Variants in BLVRA observed in about 807,000 individuals in gnomAD.
BLVRA encodes BVR A.
BLVRA carries 22 observed loss-of-function variants against 32.8 expected under a neutral mutation model. The ratio of observed to expected loss-of-function variants is 0.67; its 90% CI spans 0.48 to 0.96. The LOEUF is 0.96. BLVRA is among the 40% of genes least tolerant of loss of function. The pLI, the probability that BLVRA is intolerant of heterozygous loss-of-function variation, is 0.00. For synonymous variants in BLVRA, 119 were observed against 141.3 expected (o/e 0.84, Z 1.12); for missense variants, 323 against 358.1 (o/e 0.90, Z 0.79).
intron 5 of BLVRA, among the ~76,000 whole-genome samples, chr7:43,800,044 C>G (rs913947874): frequency 1.3e-5 from 2 of 152,182 alleles, no homozygotes; most frequent in Admixed American, 6.5e-5. Flanking sequence ...CAATTTCTGC[C>G]TCCCAGGTTC....
intron 7 of BLVRA, among the ~76,000 whole-genome samples, chr7:43,805,952 A>G (rs1247037333): frequency 6.6e-6 from 1 of 152,216 alleles, no homozygotes; most frequent in Non-Finnish European, 1.5e-5. Context: ...CTAGTGAGGA[A>G]ATTGAGGTAC....
chr7:43,787,349 T>A lies in BLVRA; in HGVS notation c.13-555T>A, dbSNP rs1424472575. ...CAGTGCACTTAAATAATATTTAAGA[T>A]ACTGCAGTATCTTAAATGTGGAACT... On this transcript the variant is annotated intron_variant, in intron 2 of 7. Coordinates refer to ENST00000265523, the MANE Select transcript of BLVRA (RefSeq NM_000712.4). This position sits in a 1 kb window ranked among gnomAD's most constrained non-coding sequence, Gnocchi z 4.5. Among the ~76,000 whole-genome samples, 1 of 152,346 alleles carries A rather than the reference T, an allele frequency of 6.6e-6. No homozygotes were observed.
intron 6 of BLVRA, 55 bp from the exon 7 acceptor site, chr7:43,803,621 T>A: frequency 2.5e-5 from 23 of 933,954 alleles, no homozygotes; most frequent in East Asian, 4.7e-5. Context: ...CCTGTCCTGC[T>A]TTCCACTTGG....
intron 5 of BLVRA, among the ~76,000 whole-genome samples, chr7:43,797,546 G>A (rs768686844): frequency 2.0e-5 from 3 of 152,148 alleles, no homozygotes; most frequent in Non-Finnish European, 4.4e-5. Flanking sequence ...TCACTTTATT[G>A]TGGTGGTCTG....
intron 2 of BLVRA, among the ~76,000 whole-genome samples, chr7:43,783,430 C>T (rs2095772652): frequency 6.6e-6 from 1 of 152,206 alleles, no homozygotes; most frequent in Non-Finnish European, 1.5e-5. Flanking sequence ...CTTCTTTCAC[C>T]CGATCATCTA....
In BLVRA at chr7:43,787,916, T is replaced by C. The variant is rs747180057; in HGVS notation, c.25T>C (p.Phe9Leu). Reference sequence around the variant, plus strand: ...CCTTGTGTTTCAGCCCGAGAGGAAGTTTGGCGTGGTGGTGGTTGGTGTTGG... The same window carrying C: ...CCTTGTGTTTCAGCCCGAGAGGAAGCTTGGCGTGGTGGTGGTTGGTGTTGG... The part of the protein sequence containing the change: MNAEPERK[F>L]GVVVVGVGRA... Residue 9 changes from phenylalanine (F) to leucine (L), a missense_variant, in exon 3 of 8, where the codon TTT becomes CTT. By Grantham distance (22) the Phe-to-Leu change is conservative. Transcript: ENST00000265523. This position sits in a 1 kb window ranked among gnomAD's most constrained non-coding sequence, Gnocchi z 4.5. 2 of 1,613,962 alleles carry C rather than the reference T, an allele frequency of 1.2e-6. No individual in the cohort carries two copies. The highest frequency in any genetic ancestry group is 1.7e-6 in the Non-Finnish European group (2 of 1,180,022).
chr7:43,792,772 G>A lies in BLVRA; in HGVS notation c.312G>A (p.Leu104=), dbSNP rs1399717472. Residue 104 remains leucine (L), a synonymous_variant, in exon 5 of 8, where the codon TTG becomes TTA. Coordinates refer to ENST00000265523, the MANE Select transcript of BLVRA (RefSeq NM_000712.4). ...TGGAATACCCCATGACACTGTCATT[G>A]GCGGCCGCTCAGGAACTGTGGGAGC... ...VLVEYPMTLS[L]AAAQELWELA... 1 of 1,614,186 alleles carries A rather than the reference G, an allele frequency of 6.2e-7. No homozygotes were observed. Among genetic ancestry groups the A allele is most frequent in the East Asian group, 2.2e-5 (1 of 44,882 alleles).
At chr7:43,802,580 C>T (rs1472567738) in intron 6 of BLVRA, among the ~76,000 whole-genome samples, 1 of 152,104 alleles carries the variant, frequency 6.6e-6, no homozygotes, top group Non-Finnish European at 1.5e-5. Flanking sequence ...TCACTGTAAC[C>T]TCGAACTCCT....
In BLVRA at chr7:43,805,282, CTT is replaced by C. The variant is rs368451107; in HGVS notation, c.632+1450_632+1451del. Reference sequence around the variant, plus strand: ...GGAGGCAGAGGCTGACTCTCTCTCTCTTTTTTTTTTTTTTTTATGAGACAAAG... The same window carrying C: ...GGAGGCAGAGGCTGACTCTCTCTCTCTTTTTTTTTTTTTTATGAGACAAAG... On this transcript the variant is annotated intron_variant, in intron 7 of 7. Transcript: ENST00000265523. Among the ~76,000 whole-genome samples, 1,166 of 138,724 alleles carry C rather than the reference CTT, an allele frequency of 8.4e-3. 19 individuals are homozygous for C. Among genetic ancestry groups the C allele is most frequent in the African/African-American group, 0.026 (965 of 37,658 alleles). The allele number at this position is 138,724 out of a possible 152,430, so 91.0% of individuals were successfully genotyped here.
intron 7 of BLVRA, among the ~76,000 whole-genome samples, chr7:43,805,337 C>T (rs1486349158): frequency 3.3e-5 from 5 of 150,112 alleles, no homozygotes; most frequent in African/African-American, 9.9e-5. Context: ...GGCTGGAGTG[C>T]GGTGGTGTGA....
upstream of BLVRA, among the ~76,000 whole-genome samples, chr7:43,758,154 C>T (rs1054941110): frequency 1.6e-4 from 24 of 152,318 alleles, no homozygotes; most frequent in Admixed American, 3.3e-4. Flanking sequence ...AAGAGCAGGA[C>T]ATCGCAGACA....
intron 2 of BLVRA, among the ~76,000 whole-genome samples, chr7:43,777,763 G>A (rs1476954838): frequency 2.6e-5 from 4 of 152,070 alleles, no homozygotes; most frequent in African/African-American, 4.8e-5. Context: ...CATTCTCCCC[G>A]TCACTTTCAG....
At chr7:43,791,412 A>G (rs1469129656) in intron 4 of BLVRA, 44 bp downstream of exon 4, 1 of 1,611,466 alleles carries the variant, frequency 6.2e-7, no homozygotes. Flanking sequence ...ACAGCAGTGC[A>G]GTACTGCAAA....
intron 6 of BLVRA, 81 bp downstream of exon 6, chr7:43,800,653 C>T (rs2095797650): frequency 2.4e-6 from 3 of 1,267,384 alleles, no homozygotes; most frequent in African/African-American, 1.5e-5. Context: ...GGGATGGGAG[C>T]TTATATTCAT....
intron 1 of BLVRA, among the ~76,000 whole-genome samples, chr7:43,766,290 G>GGA (rs2095747817): frequency 1.1e-5 from 1 of 93,900 alleles, no homozygotes; most frequent in Admixed American, 1.1e-4. Flanking sequence ...CTGTCTCAGG[G>GGA]AAAAAAAAAA....
At chr7:43,799,477 A>C (rs2095796385) in intron 5 of BLVRA, among the ~76,000 whole-genome samples, 2 of 152,036 alleles carry the variant, frequency 1.3e-5, no homozygotes, top group Admixed American at 1.3e-4. Context: ...TATAATCCAA[A>C]ATTTATTTTA....
At chr7:43,793,286 G>C (rs1423072360) in intron 5 of BLVRA, among the ~76,000 whole-genome samples, 5 of 151,778 alleles carry the variant, frequency 3.3e-5, no homozygotes, top group Admixed American at 3.3e-4. Flanking sequence ...ATGTTATTTT[G>C]CTTAATTCTT....
At chr7:43,762,102 T>C (rs1242075227) in intron 1 of BLVRA, among the ~76,000 whole-genome samples, 3 of 152,068 alleles carry the variant, frequency 2.0e-5, no homozygotes, top group African/African-American at 7.2e-5. Flanking sequence ...TAATAGATAC[T>C]TGAGAGGGCG....
At chr7:43,769,797 C>T (rs1283634777) in intron 1 of BLVRA, among the ~76,000 whole-genome samples, 1 of 152,010 alleles carries the variant, frequency 6.6e-6, no homozygotes, top group Non-Finnish European at 1.5e-5. Context: ...TTAGTAGAGA[C>T]GGGGTTTCGC....
Sources: gnomAD v4.1 joint callset for allele counts (sites outside exome capture counted in the v4.1 genomes callset) on GRCh38, gnomAD v4.1.1 for gene constraint, Gnocchi (gnomAD v3.1) non-coding constraint, MANE v1.5 for transcripts, NCBI Gene and HGNC (gene_info 2026-07-23, HGNC 2026-07-21) for gene names.